Variants in HYDIN observed in about 807,000 individuals in gnomAD.
HYDIN encodes the protein HYDIN axonemal central pair apparatus protein, also known as axonemal central pair apparatus protein HYDIN.
In HYDIN, 132 loss-of-function variants were observed where a neutral mutation model predicts 403.9. The observed-to-expected ratio is 0.33, with a 90% CI of 0.28 to 0.38. The LOEUF is 0.38. Ranked by LOEUF, HYDIN falls within the 10% of genes least tolerant of loss-of-function variation. The pLI is 1.00. For missense variants in HYDIN, 2,827 were observed against 5,009.5 expected (o/e 0.56, Z 13.15); for synonymous variants, 1,202 against 1,891.7 (o/e 0.64, Z 9.46).
chr16:71,060,140 A>T (rs1205076777), intron 18 of HYDIN, among the ~76,000 whole-genome samples: 2 of 151,640 alleles, frequency 1.3e-5, no homozygotes, highest in African/African-American at 4.8e-5. Flanking sequence ...GGCTGGGCTT[A>T]GGTACAGTTC....
intron 49 of HYDIN, 110 bp downstream of exon 49, chr16:70,908,142 G>A (rs1326736687): frequency 4.8e-6 from 4 of 825,448 alleles, no homozygotes; most frequent in Non-Finnish European, 7.6e-6. Flanking sequence ...AGAGGGGCTG[G>A]GGTGCTGCCC....
chr16:70,878,610 A>C (rs2040588455), intron 62 of HYDIN, among the ~76,000 whole-genome samples: 1 of 148,938 alleles, frequency 6.7e-6, no homozygotes, highest in Non-Finnish European at 1.5e-5. Context: ...GCTCTCATGA[A>C]GCTGGGTGCT....
intron 7 of HYDIN, among the ~76,000 whole-genome samples, chr16:71,141,515 C>A (rs567463213): frequency 6.7e-4 from 102 of 151,788 alleles, no homozygotes; most frequent in Admixed American, 2.1e-3. Flanking sequence ...AAATACATGA[C>A]CCATCCAAAA....
At chr16:71,168,750 GT>G (rs2086347609) in intron 5 of HYDIN, among the ~76,000 whole-genome samples, 1 of 152,202 alleles carries the variant, frequency 6.6e-6, no homozygotes, top group South Asian at 2.1e-4. Context: ...ACCTCCTGCT[GT>G]TGTCAGCTCT....
chr16:71,216,745 C>T (rs1361998930), intron 1 of HYDIN, among the ~76,000 whole-genome samples: 1 of 152,194 alleles, frequency 6.6e-6, no homozygotes, highest in East Asian at 1.9e-4. Flanking sequence ...CCCAGGGTAG[C>T]ATCAACTGAG....
In HYDIN at chr16:70,897,619, G is replaced by A. The variant is rs145765168; in HGVS notation, c.9049-1539C>T. Among the ~76,000 whole-genome samples the A allele has an allele frequency of 5.9e-3, 848 of 143,488 alleles. 27 individuals carry two copies. Among genetic ancestry groups the A allele is most frequent in the African/African-American group, 0.024 (799 of 33,726 alleles). 94.1% of individuals were successfully genotyped at this position (143,488 alleles called of 152,430 possible). The stretch of plus-strand genomic sequence containing the variant: ...TTTCTCGGCTTCCCCAGGGTGGGTC[G>A]GAGGCAGTGGGGAGGCTGAATTTTG... On this transcript the variant is annotated intron_variant, in intron 53 of 85. Transcript: ENST00000393567.
intron 5 of HYDIN, among the ~76,000 whole-genome samples, chr16:71,163,182 G>A (rs1321486911): frequency 1.3e-5 from 2 of 150,112 alleles, no homozygotes; most frequent in Admixed American, 1.3e-4. Context: ...GAGTGCAGTG[G>A]CGCAATCTCT....
At chr16:71,149,406 C>T (rs1450138400) in intron 7 of HYDIN, among the ~76,000 whole-genome samples, 3 of 149,864 alleles carry the variant, frequency 2.0e-5, no homozygotes, top group Non-Finnish European at 3.0e-5. Context: ...GACTATATCA[C>T]TCAGCAATTC....
intron 21 of HYDIN, among the ~76,000 whole-genome samples, chr16:71,022,292 C>A (rs1157999242): frequency 2.6e-5 from 4 of 152,202 alleles, no homozygotes; most frequent in Non-Finnish European, 5.9e-5. Flanking sequence ...AAAATGACCC[C>A]TTCTCTTTGA....
intron 1 of HYDIN, among the ~76,000 whole-genome samples, chr16:71,191,018 G>A (rs2087409430): frequency 6.6e-6 from 1 of 152,066 alleles, no homozygotes; most frequent in African/African-American, 2.4e-5. Context: ...GGGAAGGAGA[G>A]AGAGAAGTTA....
At chr16:71,219,307 T>TAA (rs557039470) in intron 1 of HYDIN, among the ~76,000 whole-genome samples, 3 of 149,464 alleles carry the variant, frequency 2.0e-5, no homozygotes, top group Non-Finnish European at 3.0e-5. Context: ...GATGCCATTT[T>TAA]AAAAAAAAAA....
rs1382498704 is a variant in HYDIN at position 71,010,707 on chromosome 16, C to T, written c.3644+7422G>A. Among the ~76,000 whole-genome samples, 12 of 152,370 alleles carry T rather than the reference C, an allele frequency of 7.9e-5. No individual in the cohort carries two copies. In the East Asian group the frequency reaches 2.3e-3, roughly 29 times the overall value. The stretch of plus-strand genomic sequence containing the variant: ...ACCAGCACCCTGAGCTACCCAGGGA[C>T]AGCTGTGGTTTAAGGGTACTTAGTG... On this transcript the variant is annotated intron_variant, in intron 23 of 85. Coordinates refer to ENST00000393567, the MANE Select transcript of HYDIN (RefSeq NM_001270974.2).
chr16:71,177,760 C>T (rs1175270050), intron 4 of HYDIN, among the ~76,000 whole-genome samples: 1 of 152,194 alleles, frequency 6.6e-6, no homozygotes, highest in African/African-American at 2.4e-5. Context: ...ATGCCTTCCT[C>T]CCCATCTGAT....
In HYDIN at chr16:71,230,707, C is replaced by A. The variant is rs1215449480; in HGVS notation, c.-169G>T. On this transcript the variant is annotated 5_prime_UTR_variant, in exon 1 of 86. Transcript: ENST00000393567. Reference sequence around the variant, plus strand: ...CTCCATGCGCCGCCCGAGCTGTTGCCGTCCGTTGCCACGGTAACCACGGAG... The same window carrying A: ...CTCCATGCGCCGCCCGAGCTGTTGCAGTCCGTTGCCACGGTAACCACGGAG... 1 of 1,535,870 alleles carries A rather than the reference C, an allele frequency of 6.5e-7. No homozygotes were observed. Among genetic ancestry groups the A allele is most frequent in the Non-Finnish European group, 8.7e-7 (1 of 1,146,856 alleles).
intron 18 of HYDIN, among the ~76,000 whole-genome samples, chr16:71,039,506 T>C (rs959981374): frequency 2.6e-5 from 4 of 152,146 alleles, no homozygotes; most frequent in African/African-American, 9.7e-5. Context: ...TACTTGAATG[T>C]TGCCTTTCCC....
intron 4 of HYDIN, among the ~76,000 whole-genome samples, chr16:71,178,237 T>A (rs1234761244): frequency 1.3e-5 from 2 of 151,970 alleles, no homozygotes; most frequent in Admixed American, 1.3e-4. Context: ...CTGACCAACA[T>A]GGAGAAACCC....
intron 35 of HYDIN, 92 bp from the exon 36 acceptor site, chr16:70,970,851 A>G (rs565026953): frequency 1.4e-5 from 17 of 1,254,738 alleles, no homozygotes; most frequent in East Asian, 7.1e-5. Flanking sequence ...AAACTTATCT[A>G]TTTAGATTAA....
chr16:70,822,583 C>G (rs1194522642), intron 83 of HYDIN, among the ~76,000 whole-genome samples: 1 of 152,212 alleles, frequency 6.6e-6, no homozygotes, highest in Non-Finnish European at 1.5e-5. Context: ...AAAATGCTTT[C>G]AAACAGCATC....
chr16:71,094,098 A>G (rs542636402), intron 10 of HYDIN, among the ~76,000 whole-genome samples, 163 bp from the exon 11 acceptor site: 1 of 152,282 alleles, frequency 6.6e-6, no homozygotes, highest in African/African-American at 2.4e-5. Context: ...TTCATCCTAT[A>G]TGGGAGCCAA....
Sources: allele counts gnomAD v4.1 joint callset (sites outside exome capture counted in the v4.1 genomes callset), GRCh38; gene constraint gnomAD v4.1.1; transcripts MANE v1.5; gene names NCBI Gene and HGNC (gene_info 2026-07-23, HGNC 2026-07-21).